The following CIT variants were observed in gnomAD, a reference collection of about 807,000 sequenced individuals.
CIT encodes citron Rho-interacting kinase.
A neutral mutation model predicts 272.7 loss-of-function variants in CIT; 79 were observed. The ratio of observed to expected loss-of-function variants is 0.29; its 90% confidence interval spans 0.24 to 0.35. The LOEUF is 0.35. CIT is among the 10% of genes least tolerant of loss of function. The pLI, the probability that CIT is intolerant of heterozygous loss-of-function variation, is 1.00. For synonymous variants in CIT, 948 were observed against 995.6 expected (o/e 0.95, Z 0.90); for missense variants, 1,909 against 2,618.3 (o/e 0.73, Z 5.91).
intron 46 of CIT, among the ~76,000 whole-genome samples, chr12:119,693,560 C>A (rs538419092): frequency 2.0e-5 from 3 of 152,166 alleles, no homozygotes; most frequent in African/African-American, 7.2e-5. Flanking sequence ...GGAAAAAAAT[C>A]TAATTACAAT....
chr12:119,764,437 G>A (rs994413981), intron 19 of CIT, among the ~76,000 whole-genome samples: 2 of 151,924 alleles, frequency 1.3e-5, no homozygotes, highest in African/African-American at 4.8e-5. Context: ...TATAACAACC[G>A]AAATTAAAAC....
intron 28 of CIT, among the ~76,000 whole-genome samples, chr12:119,723,419 T>C (rs11064886): frequency 0.04 from 5,587 of 140,462 alleles, 147 homozygotes; most frequent in Middle Eastern, 0.085. Flanking sequence ...AAAAAAAAAG[T>C]AAGCGGGGCA....
intron 13 of CIT, 35 bp downstream of exon 13, chr12:119,782,483 G>C: frequency 1.2e-6 from 2 of 1,607,964 alleles, no homozygotes; most frequent in Non-Finnish European, 1.7e-6. Context: ...CAAGCAAGCC[G>C]AGATGCTGCT....
chr12:119,748,883 T>C (rs934334173), intron 23 of CIT, among the ~76,000 whole-genome samples: 1 of 152,240 alleles, frequency 6.6e-6, no homozygotes, highest in Non-Finnish European at 1.5e-5. Context: ...TTCAGAGTGA[T>C]GCTTATACCA....
chr12:119,842,699 C>A (rs1375314897), intron 5 of CIT, among the ~76,000 whole-genome samples: 1 of 152,086 alleles, frequency 6.6e-6, no homozygotes, highest in East Asian at 1.9e-4. Context: ...AAATTTTTAA[C>A]CATCAAAATG....
At chr12:119,736,891 A>G (rs1958796175) in intron 24 of CIT, among the ~76,000 whole-genome samples, 1 of 152,172 alleles carries the variant, frequency 6.6e-6, no homozygotes, top group Admixed American at 6.5e-5. Context: ...CTCTTTCCCA[A>G]AGAAAAATAA....
At position 119,728,982 on chromosome 12, in the gene CIT, G is replaced by A. The variant is rs75860558; in HGVS notation, c.3487-376C>T. On this transcript the variant is annotated intron_variant, in intron 27 of 47. Transcript: ENST00000392521. The surrounding 1 kb of genome is among the most constrained non-coding windows in gnomAD (Gnocchi z 4.3). The stretch of plus-strand genomic sequence containing the variant: ...ATAACCAAGCTCTCAAGGATCTTAC[G>A]TCAAGTCAGAAAGGCCCATAACTAG... Among the ~76,000 whole-genome samples, 2 of 152,148 alleles carry A rather than the reference G, an allele frequency of 1.3e-5. No homozygotes were observed. Among genetic ancestry groups the A allele is most frequent in the African/African-American group, 2.4e-5 (1 of 41,430 alleles).
intron 2 of CIT, among the ~76,000 whole-genome samples, chr12:119,870,726 A>G (rs751162236): frequency 6.6e-6 from 1 of 152,078 alleles, no homozygotes; most frequent in Non-Finnish European, 1.5e-5. Flanking sequence ...CATCATTTAC[A>G]TATTGTCTTT....
chr12:119,770,827 C>T lies in CIT; in HGVS notation c.2166G>A (p.Gln722=), dbSNP rs772587949. 8 of 1,612,772 alleles carry T rather than the reference C, an allele frequency of 5.0e-6. No individual in the cohort carries two copies. The highest frequency in any genetic ancestry group is 1.7e-6 in the Non-Finnish European group (2 of 1,179,902). ...RRENRLKDDI[Q]TKSQQIQQMA... ...TCTGCTGGATCTGTTGGGATTTTGT[C>T]TGGATGTCATCCTTCAGTCTGTTTT... Residue 722 remains glutamine (Q), a synonymous_variant, in exon 18 of 48, where the codon CAG becomes CAA. Transcript: ENST00000392521. This position sits in a 1 kb window ranked among gnomAD's most constrained non-coding sequence, Gnocchi z 4.4.
intron 7 of CIT, among the ~76,000 whole-genome samples, chr12:119,828,815 G>A (rs138291897): frequency 0.035 from 5,398 of 152,090 alleles, 218 homozygotes; most frequent in African/African-American, 0.11. Context: ...TGATCTGCTC[G>A]CCTCGGCCTC....
At chr12:119,706,413 AT>A (rs1956880746) in intron 40 of CIT, among the ~76,000 whole-genome samples, 2 of 151,858 alleles carry the variant, frequency 1.3e-5, no homozygotes, top group African/African-American at 4.8e-5. Flanking sequence ...TCCATTAGTT[AT>A]TTTTCCCGAT....
chr12:119,824,629 C>T (rs1968016492), intron 8 of CIT, among the ~76,000 whole-genome samples: 2 of 152,138 alleles, frequency 1.3e-5, no homozygotes, highest in Middle Eastern at 3.2e-3. Context: ...TAAGTATTTG[C>T]TATTATTATT....
chr12:119,711,328 C>T (rs1341517944), intron 37 of CIT, among the ~76,000 whole-genome samples: 1 of 152,182 alleles, frequency 6.6e-6, no homozygotes, highest in Non-Finnish European at 1.5e-5. Flanking sequence ...TATCCTGGAA[C>T]ATTTTAGGTG....
chr12:119,736,124 G>A (rs1237849053), intron 24 of CIT, among the ~76,000 whole-genome samples: 3 of 152,158 alleles, frequency 2.0e-5, no homozygotes, highest in African/African-American at 7.2e-5. Context: ...TCTTTGCTGA[G>A]ATTTAGTATT....
chr12:119,704,318 G>C, intron 41 of CIT, 45 bp downstream of exon 41: 1 of 1,555,638 alleles, frequency 6.4e-7, no homozygotes. Context: ...TGAGAGAGCA[G>C]GACTGGCTTT....
chr12:119,775,649 G>A (rs952264134), intron 16 of CIT, 137 bp downstream of exon 16: 9 of 642,166 alleles, frequency 1.4e-5, no homozygotes, highest in African/African-American at 1.1e-4. Context: ...TCAGGTAATC[G>A]CTCACTCCCC....
intron 28 of CIT, among the ~76,000 whole-genome samples, chr12:119,726,413 G>A (rs1286383658): frequency 1.2e-4 from 1 of 8,532 alleles, no homozygotes; most frequent in African/African-American, 3.6e-4. Context: ...TTTTTTTTTT[G>A]TAGAGATGGG....
intron 9 of CIT, among the ~76,000 whole-genome samples, chr12:119,806,137 CAAAAAA>C (rs3858711): frequency 2.9e-4 from 18 of 62,672 alleles, no homozygotes; most frequent in East Asian, 4.7e-4. Context: ...AACACCATCT[CAAAAAA>C]AAAAAAAAAA....
chr12:119,784,569 C>A lies in CIT; in HGVS notation c.1401+391G>T. ...GTTAAGAGACGTTGAGCGTAATCAA[C>A]ACAGTGGCCGCAGTGACATAAGCAG... On this transcript the variant is annotated intron_variant, in intron 11 of 47. Transcript: ENST00000392521. This position sits in a 1 kb window ranked among gnomAD's most constrained non-coding sequence, Gnocchi z 4.7. The A allele has an allele frequency of 8.5e-7, 1 of 1,172,552 alleles. No individual in the cohort carries two copies. The highest frequency in any genetic ancestry group is 1.1e-6 in the Non-Finnish European group (1 of 940,362). The allele number at this position is 1,172,552 out of a possible 1,614,324, so 72.6% of individuals were successfully genotyped here. A position where few individuals can be genotyped will look rare whatever the true frequency, so the allele number is the denominator to read the frequency against.
Sources: gnomAD v4.1 joint callset for allele counts (sites outside exome capture counted in the v4.1 genomes callset) on GRCh38, gnomAD v4.1.1 for gene constraint, Gnocchi (gnomAD v3.1) non-coding constraint, MANE v1.5 for transcripts, NCBI Gene and HGNC (gene_info 2026-07-23, HGNC 2026-07-21) for gene names.